SUSD1: variants seen among roughly 807,000 people sequenced by gnomAD.
SUSD1 encodes the protein sushi domain containing 1.
Under a neutral mutation model 86.9 loss-of-function variants are expected in SUSD1, and 65 were observed. That is an observed-to-expected ratio of 0.75 (90% CI 0.61 to 0.92). The LOEUF is 0.92. Among genes scored for constraint, SUSD1 ranks in the 40% least tolerant of loss-of-function variants. The pLI, the probability that SUSD1 is intolerant of heterozygous loss-of-function variation, is 0.00. For synonymous variants in SUSD1, 346 were observed against 350.0 expected, an observed-to-expected ratio of 0.99 and a Z score of 0.13; for missense variants, 850 against 929.7, an observed-to-expected ratio of 0.91 and a Z score of 1.11.
At chr9:112,157,447 G>T in intron 2 of SUSD1, 53 bp downstream of exon 2, 3 of 1,284,082 alleles carry the variant, frequency 2.3e-6, no homozygotes, top group Non-Finnish European at 2.2e-6. Flanking sequence ...TAATACAAGA[G>T]AATCTTGTTT....
chr9:112,048,863 A>G (rs1828069018), intron 15 of SUSD1, among the ~76,000 whole-genome samples: 1 of 152,240 alleles, frequency 6.6e-6, no homozygotes, highest in Non-Finnish European at 1.5e-5. Flanking sequence ...AAGGACATTA[A>G]GAGGAGAAAG....
intron 13 of SUSD1, among the ~76,000 whole-genome samples, chr9:112,060,493 G>C (rs193044885): frequency 1.8e-4 from 28 of 152,288 alleles, no homozygotes; most frequent in Admixed American, 1.8e-3. Flanking sequence ...TTGAACTCCT[G>C]ACCTCTTTAG....
At chr9:112,089,296 TATAACACAATACATATAGCAGTTGTAAC>T (rs1830106866) in intron 10 of SUSD1, among the ~76,000 whole-genome samples, 1 of 151,598 alleles carries the variant, frequency 6.6e-6, no homozygotes, top group South Asian at 2.1e-4. Context: ...ATGCAGAAAA[TATAACACAATACATATAGCAGTTGTAAC>T]ATAAAATAAT....
rs777500479 is a variant in SUSD1 at position 112,041,908 on chromosome 9, A to G, written c.2202T>C (p.Ala734=). ...QMAGVGLGSL[A]VVIILTFLSF... ...AGAGGAATGTGAGAATGATCACAAC[A>G]GCCAGGGAACCCAGTCCAACACCCG... The change falls in exon 16 of 17, where the codon GCT becomes GCC. Residue 734 remains alanine, a synonymous_variant. Coordinates refer to ENST00000374270, the MANE Select transcript of SUSD1 (RefSeq NM_022486.5). The G allele has an allele frequency of 6.2e-7, 1 of 1,613,936 alleles. No homozygotes were observed. The highest frequency in any genetic ancestry group is 8.5e-7 in the Non-Finnish European group (1 of 1,179,964).
At chr9:112,143,893 G>A (rs1004508024) in intron 3 of SUSD1, among the ~76,000 whole-genome samples, 6 of 151,988 alleles carry the variant, frequency 3.9e-5, no homozygotes, top group Non-Finnish European at 7.4e-5. Flanking sequence ...AACCATCACC[G>A]GCTCCCTGAC....
chr9:112,100,512 GTA>G (rs2131614039), intron 9 of SUSD1, among the ~76,000 whole-genome samples: 1 of 151,956 alleles, frequency 6.6e-6, no homozygotes, highest in East Asian at 2.0e-4. Flanking sequence ...CTATGACTCA[GTA>G]TAACAGTCTT....
intron 1 of SUSD1, among the ~76,000 whole-genome samples, chr9:112,165,250 T>C (rs764166373): frequency 4.6e-5 from 7 of 152,214 alleles, no homozygotes; most frequent in Non-Finnish European, 7.3e-5. Flanking sequence ...AGTAATCATG[T>C]ATTGTAAAAT....
intron 5 of SUSD1, among the ~76,000 whole-genome samples, chr9:112,135,157 A>G (rs1832207465): frequency 6.6e-6 from 1 of 152,198 alleles, no homozygotes; most frequent in African/African-American, 2.4e-5. Flanking sequence ...AGCGTAGTTT[A>G]TTAACCGCTC....
At position 112,113,018 on chromosome 9, in the gene SUSD1, C is replaced by A; in HGVS notation, c.887-150G>T. On this transcript the variant is annotated intron_variant, in intron 6 of 16. Coordinates refer to ENST00000374270, the MANE Select transcript of SUSD1 (RefSeq NM_022486.5). The surrounding 1 kb of genome is among the most constrained non-coding windows in gnomAD (Gnocchi z 4.1). ...CACTGAGTCAGGCAATGCAAGCTCT[C>A]CCAAGCCAATCACCCAACTTCTCTT... The A allele has an allele frequency of 1.6e-6, 1 of 606,854 alleles. No homozygotes were observed. Among genetic ancestry groups the A allele is most frequent in the Non-Finnish European group, 3.0e-6 (1 of 337,698 alleles). The allele number at this position is 606,854 out of a possible 1,614,324, so 37.6% of individuals were successfully genotyped here.
At chr9:112,149,044 C>A (rs781953) in intron 3 of SUSD1, among the ~76,000 whole-genome samples, 200 bp downstream of exon 3, 24,355 of 152,020 alleles carry the variant, frequency 0.16, 2,348 homozygotes, top group East Asian at 0.42. Flanking sequence ...ACTAAAGGAA[C>A]ACTATTATAG....
intron 12 of SUSD1, among the ~76,000 whole-genome samples, chr9:112,069,936 G>A (rs1829184824): frequency 1.3e-5 from 2 of 152,068 alleles, no homozygotes; most frequent in African/African-American, 4.8e-5. Flanking sequence ...GTGACTTTGA[G>A]ACCATTTTCT....
chr9:112,169,798 C>T (rs185306266), intron 1 of SUSD1, among the ~76,000 whole-genome samples: 8 of 152,022 alleles, frequency 5.3e-5, no homozygotes, highest in Non-Finnish European at 1.0e-4. Context: ...TCTCAGCCTC[C>T]TGAGTAGCTG....
Position 112,156,523 on chromosome 9 carries a change from C to G in SUSD1, c.217+977G>C, listed in dbSNP as rs145356101. On this transcript the variant is annotated intron_variant, in intron 2 of 16. Transcript: ENST00000374270. Reference sequence around the variant, plus strand: ...CTGGGCTCAAGGCATCCTCCTGCCTCAGCCTCCCAAATACCTGGAAGTACA... The same window carrying G: ...CTGGGCTCAAGGCATCCTCCTGCCTGAGCCTCCCAAATACCTGGAAGTACA... Among the ~76,000 whole-genome samples, 1,019 of 152,156 alleles carry G rather than the reference C, an allele frequency of 6.7e-3. 10 individuals are homozygous for G. The highest frequency in any genetic ancestry group is 0.024 in the African/African-American group (978 of 41,518).
At chr9:112,099,043 CTCTCTCTCTCTCTG>C (rs779839707) in intron 9 of SUSD1, among the ~76,000 whole-genome samples, 1 of 132,508 alleles carries the variant, frequency 7.5e-6, no homozygotes, top group South Asian at 2.3e-4. Flanking sequence ...CTCTCTCTCT[CTCTCTCTCTCTCTG>C]TCTCTTTTCT....
intron 2 of SUSD1, among the ~76,000 whole-genome samples, chr9:112,151,770 G>C (rs1417380131): frequency 1.3e-5 from 2 of 151,934 alleles, no homozygotes; most frequent in African/African-American, 4.8e-5. Context: ...GGGTGCGGTG[G>C]CTCATGCCTG....
At chr9:112,134,731 T>G (rs1347503173) in intron 5 of SUSD1, among the ~76,000 whole-genome samples, 1 of 151,432 alleles carries the variant, frequency 6.6e-6, no homozygotes, top group African/African-American at 2.4e-5. Context: ...AACTTGCACA[T>G]GTGCCCCCTG....
intron 2 of SUSD1, among the ~76,000 whole-genome samples, chr9:112,150,317 T>C (rs373387711): frequency 6.9e-6 from 1 of 144,988 alleles, no homozygotes; most frequent in African/African-American, 2.5e-5. Context: ...TGTTTATGCA[T>C]CCTTTTAGAG....
intron 2 of SUSD1, 46 bp from the exon 3 acceptor site, chr9:112,149,445 C>T (rs538528127): frequency 5.3e-5 from 84 of 1,599,608 alleles, no homozygotes; most frequent in Admixed American, 2.2e-4. Context: ...CAATCCACAC[C>T]GACTTCAACA....
intron 12 of SUSD1, 88 bp downstream of exon 12, chr9:112,078,449 AT>A (rs2131553539): frequency 7.5e-7 from 1 of 1,327,128 alleles, no homozygotes; most frequent in South Asian, 1.5e-5. Context: ...TTATATAATG[AT>A]AAAAAGCAAC....
Sources: allele counts gnomAD v4.1 joint callset (sites outside exome capture counted in the v4.1 genomes callset), GRCh38; gene constraint gnomAD v4.1.1; non-coding constraint Gnocchi (gnomAD v3.1); transcripts MANE v1.5; gene names NCBI Gene and HGNC (gene_info 2026-07-23, HGNC 2026-07-21).